Variants in ZNF541 observed in about 807,000 individuals in gnomAD.
The protein encoded by ZNF541 is zinc finger protein 541.
A neutral mutation model predicts 123.5 loss-of-function variants in ZNF541; 23 were observed. That is an observed-to-expected ratio of 0.19 (90% CI 0.13 to 0.26). ZNF541 has a LOEUF of 0.26. Ranked by LOEUF, ZNF541 falls within the 10% of genes least tolerant of loss-of-function variation. ZNF541 has a pLI of 1.00. For missense variants in ZNF541, 1,612 were observed against 1,789.9 expected, an observed-to-expected ratio of 0.90 and a Z score of 1.79; for synonymous variants, 751 against 754.5, an observed-to-expected ratio of 1.00 and a Z score of 0.08.
At chr19:47,539,974 A>G (rs866724013) in intron 7 of ZNF541, 96 bp from the exon 8 acceptor site, 1 of 1,487,092 alleles carries the variant, frequency 6.7e-7, no homozygotes. Context: ...AGAAAACAGC[A>G]GTGAGTCTGT....
rs1392666975 is a variant in ZNF541 at position 47,544,301 on chromosome 19, T to C, written c.2228A>G (p.Tyr743Cys). ...KGPACSRGGG[Y>C]RLLGNPRAPR... ...GGCCCTGGGGTTGCCCAAGAGCCGG[T>C]AGCCTCCACCCCGGGAGCAGGCTGG... is the stretch of plus-strand genomic sequence containing the variant. Residue 743 changes from tyrosine to cysteine, a missense_variant, in exon 5 of 17, where the codon TAC becomes TGC. Physicochemically the swap from Tyr to Cys is radical, Grantham distance 194. Transcript: ENST00000391901. 7.7e-6 allele frequency: 12 copies of C among 1,551,494 alleles called. No individual in the cohort carries two copies. Among genetic ancestry groups the C allele is most frequent in the South Asian group, 7.1e-5 (6 of 84,074 alleles).
chr19:47,557,917 T>A lies in ZNF541; in HGVS notation c.-98-1963A>T, dbSNP rs562823203. ...AGCTTGCACACTAAAAGAATCTAAG[T>A]ATAACCACCAAGAGAAGAAAAATAA... On this transcript the variant is annotated intron_variant, in intron 2 of 16. Transcript: ENST00000391901. 2.7e-5 allele frequency among the ~76,000 whole-genome samples: 4 copies of A among 149,362 alleles called. No individual in the cohort carries two copies. The South Asian group carries it at 8.5e-4, about 32-fold the overall frequency.
chr19:47,531,248 G>A (rs2974244), intron 12 of ZNF541, among the ~76,000 whole-genome samples: 3,769 of 71,908 alleles, frequency 0.052, 216 homozygotes, highest in African/African-American at 0.12. Flanking sequence ...GGGGGGGGGG[G>A]GTCCTTGGAG....
intron 3 of ZNF541, among the ~76,000 whole-genome samples, chr19:47,551,054 A>ATTT (rs545565238): frequency 1.4e-5 from 2 of 141,090 alleles, no homozygotes; most frequent in African/African-American, 5.3e-5. Flanking sequence ...TTTTTTTTTA[A>ATTT]TTTTTTTTTT....
rs1188024956 is a variant in ZNF541 at position 47,544,741 on chromosome 19, C to A, written c.1788G>T (p.Pro596=). The stretch of plus-strand genomic sequence containing the variant: ...CCAGTGGTGGGGGCTGCTGCGGCCA[C>A]GGCCCCTGCAGCGGCCTCAGGGCGG... The part of the protein sequence containing the change: ...KPAALRPLQG[P]WPQQPPPLAP... Residue 596 remains proline (P), a synonymous_variant, in exon 5 of 17, where the codon CCG becomes CCT. Transcript: ENST00000391901. 1.3e-6 allele frequency: 2 copies of A among 1,499,708 alleles called. No individual in the cohort carries two copies. Among genetic ancestry groups the A allele is most frequent in the Non-Finnish European group, 1.8e-6 (2 of 1,126,994 alleles). 92.9% of individuals were successfully genotyped at this position (1,499,708 alleles called of 1,614,324 possible). A position where few individuals can be genotyped will look rare whatever the true frequency, so the allele number is the denominator to read the frequency against.
At position 47,544,229 on chromosome 19, in the gene ZNF541, C is replaced by A; in HGVS notation, c.2300G>T (p.Cys767Phe). The stretch of plus-strand genomic sequence containing the variant: ...TACCTGGCTCGGAGAAGCCGCACAG[C>A]ACATATCCATCTTCGCCTTCTCTTT... ...FRKEKAKMDMCCAASPSQVAM... is the reference protein window; with the variant it reads ...FRKEKAKMDMFCAASPSQVAM... The change falls in exon 5 of 17, where the codon TGC (cysteine) becomes TTC (phenylalanine). Residue 767 changes from cysteine (C) to phenylalanine (F), a missense_variant. Transcript: ENST00000391901. 1 of 1,551,690 alleles carries A rather than the reference C, an allele frequency of 6.4e-7. No individual in the cohort carries two copies.
At chr19:47,529,451 C>T in intron 13 of ZNF541, 126 bp downstream of exon 13, 1 of 924,806 alleles carries the variant, frequency 1.1e-6, no homozygotes, top group Non-Finnish European at 1.6e-6. Context: ...AGGACAGGCC[C>T]TCCTGAAAGG....
At chr19:47,561,542 G>A (rs1971061911) in intron 2 of ZNF541, among the ~76,000 whole-genome samples, 1 of 151,954 alleles carries the variant, frequency 6.6e-6, no homozygotes, top group African/African-American at 2.4e-5. Flanking sequence ...TCTCAGGGTG[G>A]GCACATGTTT....
intron 9 of ZNF541, among the ~76,000 whole-genome samples, chr19:47,533,309 G>A (rs905589847): frequency 1.5e-5 from 2 of 134,120 alleles, no homozygotes; most frequent in Admixed American, 8.7e-5. Flanking sequence ...GCGGTGAGCC[G>A]AGATCGCGCC....
In ZNF541 at chr19:47,540,243, C is replaced by T. The variant is rs1970021925; in HGVS notation, c.2555G>A (p.Gly852Glu). 3.2e-6 allele frequency: 5 copies of T among 1,551,746 alleles called. No homozygotes were observed. The highest frequency in any genetic ancestry group is 3.5e-6 in the Non-Finnish European group (4 of 1,147,012). Residue 852 changes from glycine to glutamate, a missense_variant, in exon 7 of 17, where the codon GGG becomes GAG. Gly to Glu is a moderately conservative substitution (Grantham distance 98). This residue lies in a region of ZNF541 where 1,080 missense variants were observed against 1,013.8 expected (regional missense o/e 1.07). Coordinates refer to ENST00000391901, the MANE Select transcript of ZNF541 (RefSeq NM_001277075.3). ...NCSQMFYTEK[G>E]LSSHMCFHSD... ...GTGAAAACACATGTGGCTGCTCAGC[C>T]CTTTCTCCGTATAAAACATCTGGCT...
In ZNF541 at chr19:47,534,295, A is replaced by G. The variant is rs192072088; in HGVS notation, c.3095-1323T>C. ...CTCAGAGAAATGTGGGATACCATTA[A>G]GTACAGCAGCTACATGTAACAGGAG... On this transcript the variant is annotated intron_variant, in intron 9 of 16. Coordinates refer to ENST00000391901, the MANE Select transcript of ZNF541 (RefSeq NM_001277075.3). 1.6e-4 allele frequency among the ~76,000 whole-genome samples: 24 copies of G among 152,330 alleles called. No individual in the cohort carries two copies. The East Asian group carries it at 4.6e-3, about 29-fold the overall frequency.
chr19:47,523,035 C>T (rs938135427), intron 14 of ZNF541, among the ~76,000 whole-genome samples: 2 of 151,376 alleles, frequency 1.3e-5, no homozygotes, highest in African/African-American at 4.9e-5. Flanking sequence ...CCTGAACCAC[C>T]GCACCCGGCC....
chr19:47,560,293 G>T (rs748786771), intron 2 of ZNF541, among the ~76,000 whole-genome samples: 29 of 152,180 alleles, frequency 1.9e-4, no homozygotes, highest in Non-Finnish European at 3.7e-4. Flanking sequence ...TTGAAAAAAT[G>T]AGCCAGGCAT....
rs1372427128 is a variant in ZNF541 at position 47,545,669 on chromosome 19, G to A, written c.860C>T (p.Thr287Ile). The A allele has an allele frequency of 1.9e-6, 3 of 1,549,208 alleles. No individual in the cohort carries two copies. Among genetic ancestry groups the A allele is most frequent in the African/African-American group, 1.4e-5 (1 of 73,144 alleles). The change falls in exon 5 of 17, where the codon ACC (threonine) becomes ATC (isoleucine). Residue 287 changes from threonine (T) to isoleucine (I), a missense_variant. Physicochemically the swap from Thr to Ile is moderately conservative, Grantham distance 89. Coordinates refer to ENST00000391901, the MANE Select transcript of ZNF541 (RefSeq NM_001277075.3). The surrounding 1 kb of genome is among the most constrained non-coding windows in gnomAD (Gnocchi z 7.5). ...CGCCGGGGCTGGGCCAGGAGAAGGGGTCTTCTGGTGGACGATGCTACTCAC... is the reference window on the plus strand; with the variant it reads ...CGCCGGGGCTGGGCCAGGAGAAGGGATCTTCTGGTGGACGATGCTACTCAC... ...RIVSSIVHQK[T>I]PSPGPAPAGA...
intron 2 of ZNF541, among the ~76,000 whole-genome samples, chr19:47,564,755 C>A (rs1046733121): frequency 6.6e-6 from 1 of 152,176 alleles, no homozygotes; most frequent in Non-Finnish European, 1.5e-5. Context: ...TGTGGACATT[C>A]CTTAAAGAAC....
chr19:47,570,576 TAAA>T (rs35955168), intron 2 of ZNF541, among the ~76,000 whole-genome samples: 9 of 58,840 alleles, frequency 1.5e-4, no homozygotes, highest in Admixed American at 6.5e-4. Flanking sequence ...GACTCTGTCC[TAAA>T]AAAAAAAAAA....
chr19:47,521,732 G>A lies in ZNF541; in HGVS notation c.3712-78C>T. 3 of 1,522,390 alleles carry A rather than the reference G, an allele frequency of 2.0e-6. No homozygotes were observed. The highest frequency in any genetic ancestry group is 2.7e-6 in the Non-Finnish European group (3 of 1,129,736). The allele number at this position is 1,522,390 out of a possible 1,614,324, so 94.3% of individuals were successfully genotyped here. A position where few individuals can be genotyped will look rare whatever the true frequency, so the allele number is the denominator to read the frequency against. The stretch of plus-strand genomic sequence containing the variant: ...GAGACACAGAGCTGGGGGCATACGT[G>A]TCTCCTGCAGGAAAACCCTTCCATC... On this transcript the variant is annotated intron_variant, in intron 15 of 16. Coordinates refer to ENST00000391901, the MANE Select transcript of ZNF541 (RefSeq NM_001277075.3). This position sits in a 1 kb window ranked among gnomAD's most constrained non-coding sequence, Gnocchi z 4.2.
chr19:47,558,347 C>T (rs1391074105), intron 2 of ZNF541, among the ~76,000 whole-genome samples: 2 of 151,550 alleles, frequency 1.3e-5, no homozygotes, highest in African/African-American at 2.4e-5. Context: ...ACCCAGGAGG[C>T]GGAGCTTGCA....
At chr19:47,533,026 G>A in intron 9 of ZNF541, 54 bp from the exon 10 acceptor site, 1 of 1,512,564 alleles carries the variant, frequency 6.6e-7, no homozygotes, top group Middle Eastern at 1.7e-4. Context: ...GTAACCGACA[G>A]GGTCCTCTGC....
Sources: allele counts gnomAD v4.1 joint callset (sites outside exome capture counted in the v4.1 genomes callset), GRCh38; gene constraint gnomAD v4.1.1; regional missense constraint gnomAD v4.1.1; non-coding constraint Gnocchi (gnomAD v3.1); transcripts MANE v1.5; gene names NCBI Gene and HGNC (gene_info 2026-07-23, HGNC 2026-07-21).